TG: variants seen among roughly 807,000 people sequenced by gnomAD.
TG encodes the protein thyroglobulin, also known as thyroid hormones.
In TG, 270 loss-of-function variants were observed where a neutral mutation model predicts 324.7. The observed-to-expected ratio is 0.83, with a 90% CI of 0.75 to 0.92. The LOEUF (loss-of-function observed/expected upper bound fraction) is 0.92, where lower values mean the gene tolerates loss of function less well. Ranked by LOEUF, TG falls within the 40% of genes least tolerant of loss-of-function variation. The probability of loss-of-function intolerance (pLI) is 0.00; values close to 1 mark genes in which losing one functional copy is unlikely to be tolerated. For synonymous variants in TG, 1,401 were observed against 1,327.0 expected (o/e 1.06, Z -1.21); for missense variants, 3,591 against 3,456.4 (o/e 1.04, Z -0.98).
At chr8:133,068,051 C>T (rs1223190659) in intron 41 of TG, among the ~76,000 whole-genome samples, 21 of 152,204 alleles carry the variant, frequency 1.4e-4, no homozygotes, top group Non-Finnish European at 2.9e-4. Flanking sequence ...AGCATCTCAT[C>T]CCTCTACTAC....
chr8:133,071,158 G>A (rs1391963738), intron 41 of TG, among the ~76,000 whole-genome samples: 2 of 152,188 alleles, frequency 1.3e-5, no homozygotes, highest in African/African-American at 2.4e-5. Flanking sequence ...AGGAGAGGGG[G>A]CACCAGTGCG....
chr8:132,868,005 C>T, intron 1 of TG, 110 bp from the exon 2 acceptor site: 1 of 949,422 alleles, frequency 1.1e-6, no homozygotes, highest in Non-Finnish European at 1.7e-6. Flanking sequence ...AATAGGCTGT[C>T]ATAGGTAATG....
chr8:133,131,896 G>GA lies in TG; in HGVS notation c.7948dup (p.Ser2650LysfsTer24). 6.2e-7 allele frequency: 1 copy of GA among 1,614,184 alleles called. No individual in the cohort carries two copies. The highest frequency in any genetic ancestry group is 8.5e-7 in the Non-Finnish European group (1 of 1,180,018). ...AGGGGCAGTTTTCTCTGGAGGAGAAGAGCCTGTCGCTGAAAATCATGCAGT... is the reference window on the plus strand; with the variant it reads ...AGGGGCAGTTTTCTCTGGAGGAGAAGAAGCCTGTCGCTGAAAATCATGCAGT... On this transcript the variant is annotated frameshift_variant, in exon 46 of 48. Coordinates refer to ENST00000220616, the MANE Select transcript of TG (RefSeq NM_003235.5). LOFTEE classifies it high-confidence loss of function.
intron 41 of TG, among the ~76,000 whole-genome samples, chr8:133,090,755 G>A (rs1007901196): frequency 6.6e-6 from 1 of 152,182 alleles, no homozygotes; most frequent in African/African-American, 2.4e-5. Context: ...GTTAGGAACT[G>A]GAAGCTCAGA....
chr8:133,127,231 A>G (rs1025022179), intron 45 of TG, among the ~76,000 whole-genome samples: 1 of 152,140 alleles, frequency 6.6e-6, no homozygotes, highest in African/African-American at 2.4e-5. Context: ...CTTTGAATGG[A>G]TGTACCTCCA....
chr8:133,120,024 T>C (rs1350284370), intron 45 of TG, among the ~76,000 whole-genome samples: 1 of 152,108 alleles, frequency 6.6e-6, no homozygotes, highest in Non-Finnish European at 1.5e-5. Flanking sequence ...AATCCAGTGG[T>C]CTATGGCCAC....
At chr8:133,050,547 A>G in intron 41 of TG, 1 of 378,360 alleles carries the variant, frequency 2.6e-6, no homozygotes, top group Non-Finnish European at 4.8e-6. Flanking sequence ...AGATAAGAAG[A>G]ATATGAGAAG....
intron 5 of TG, among the ~76,000 whole-genome samples, chr8:132,874,604 G>GAGGA (rs1191340605): frequency 6.6e-6 from 1 of 152,244 alleles, no homozygotes; most frequent in African/African-American, 2.4e-5. Context: ...GCTGTGCCAG[G>GAGGA]AGGAATCTCA....
chr8:132,909,020 A>G (rs1336245885), intron 18 of TG, among the ~76,000 whole-genome samples: 1 of 152,194 alleles, frequency 6.6e-6, no homozygotes, highest in Non-Finnish European at 1.5e-5. Flanking sequence ...AGGGAACTGC[A>G]AATTGGGGTG....
chr8:133,079,441 C>A (rs1845414718), intron 41 of TG, among the ~76,000 whole-genome samples: 1 of 152,142 alleles, frequency 6.6e-6, no homozygotes, highest in African/African-American at 2.4e-5. Context: ...TTACATACTT[C>A]ACGTTGTCAG....
chr8:132,873,274 C>T, intron 5 of TG, 53 bp downstream of exon 5: 1 of 1,607,064 alleles, frequency 6.2e-7, no homozygotes, highest in Non-Finnish European at 8.5e-7. Context: ...ACGCAGCCCA[C>T]ACTCACCTTG....
In TG at chr8:133,116,663, G is replaced by T; in HGVS notation, c.7809G>T (p.Arg2603Ser). ...IIDMASAWAK[R>S]ARGNVFMYHA... ...ACATGGCCAGTGCCTGGGCAAAGAG[G>T]GCCCGAGGAAACGTCTTCATGTACC... The change falls in exon 45 of 48, where the codon AGG becomes AGT. Residue 2603 changes from arginine to serine, a missense_variant. Physicochemically the swap from Arg to Ser is moderately radical, Grantham distance 110. Transcript: ENST00000220616. 1 of 1,614,250 alleles carries T rather than the reference G, an allele frequency of 6.2e-7. No individual in the cohort carries two copies. Among genetic ancestry groups the T allele is most frequent in the Non-Finnish European group, 8.5e-7 (1 of 1,180,050 alleles).
intron 20 of TG, among the ~76,000 whole-genome samples, chr8:132,918,403 TC>T (rs1306785732): frequency 6.6e-6 from 1 of 152,084 alleles, no homozygotes; most frequent in Non-Finnish European, 1.5e-5. Context: ...CCAACTTGAC[TC>T]ATAGAAGTAA....
At chr8:132,950,061 GTTCT>G (rs1825889515) in intron 27 of TG, among the ~76,000 whole-genome samples, 1 of 152,230 alleles carries the variant, frequency 6.6e-6, no homozygotes, top group East Asian at 1.9e-4. Flanking sequence ...AGGAATCTGT[GTTCT>G]AACAAGTGGT....
At chr8:132,998,020 C>T (rs1448844315) in intron 35 of TG, among the ~76,000 whole-genome samples, 1 of 151,978 alleles carries the variant, frequency 6.6e-6, no homozygotes, top group Non-Finnish European at 1.5e-5. Flanking sequence ...GAGGGACACA[C>T]TAAAGATAAA....
chr8:132,993,321 T>C (rs1180708612), intron 35 of TG, among the ~76,000 whole-genome samples: 1 of 152,192 alleles, frequency 6.6e-6, no homozygotes, highest in African/African-American at 2.4e-5. Context: ...ACATGGGATA[T>C]GAGTTTGGGC....
At position 132,923,400 on chromosome 8, in the gene TG, G is replaced by C. The variant is rs769967497; in HGVS notation, c.4591G>C (p.Ala1531Pro). 5 of 1,614,014 alleles carry C rather than the reference G, an allele frequency of 3.1e-6. No homozygotes were observed. In the Admixed American group the frequency reaches 6.7e-5, roughly 22 times the overall value. The change falls in exon 22 of 48, where the codon GCC becomes CCC. Residue 1531 changes from alanine (A) to proline (P), a missense_variant. Ala to Pro is a conservative substitution (Grantham distance 27). Coordinates refer to ENST00000220616, the MANE Select transcript of TG (RefSeq NM_003235.5). ...LQCDQNGQYRASQKDRGSGKA... is the reference protein window; with the variant it reads ...LQCDQNGQYRPSQKDRGSGKA... Reference sequence around the variant, plus strand: ...ATGTGACCAGAATGGCCAGTATCGAGCCAGCCAGAAGGACAGGGGCAGTGG... The same window carrying C: ...ATGTGACCAGAATGGCCAGTATCGACCCAGCCAGAAGGACAGGGGCAGTGG...
chr8:133,094,303 C>T (rs1053974707), intron 41 of TG, among the ~76,000 whole-genome samples: 9 of 140,910 alleles, frequency 6.4e-5, no homozygotes, highest in South Asian at 2.5e-4. Flanking sequence ...TGCAGAGGTG[C>T]GATCTCGGTC....
intron 46 of TG, among the ~76,000 whole-genome samples, chr8:133,132,239 C>T (rs1225337801): frequency 2.0e-5 from 3 of 152,210 alleles, no homozygotes; most frequent in Admixed American, 6.5e-5. Context: ...TAAATCTTGG[C>T]TGTGTCCTGT....
Sources: gnomAD v4.1 joint callset for allele counts (sites outside exome capture counted in the v4.1 genomes callset) on GRCh38, gnomAD v4.1.1 for gene constraint, MANE v1.5 for transcripts, NCBI Gene and HGNC (gene_info 2026-07-23, HGNC 2026-07-21) for gene names.